The following CENPP variants were observed in gnomAD, a reference collection of about 807,000 sequenced individuals.
CENPP encodes centromere protein P.
Under a neutral mutation model 35.6 loss-of-function variants are expected in CENPP, and 24 were observed. The ratio of observed to expected loss-of-function variants is 0.67; its 90% CI spans 0.49 to 0.95. The LOEUF is 0.95. Among genes scored for constraint, CENPP ranks in the 40% least tolerant of loss-of-function variants. The probability of loss-of-function intolerance (pLI) is 0.00; values close to 1 mark genes in which losing one functional copy is unlikely to be tolerated. For synonymous variants in CENPP, 120 were observed against 125.5 expected (o/e 0.96, Z 0.29); for missense variants, 332 against 345.3 (o/e 0.96, Z 0.31).
chr9:92,522,587 T>G, intron 5 of CENPP: 1 of 1,612,154 alleles, frequency 6.2e-7, no homozygotes. Flanking sequence ...GGTAACACAT[T>G]ATAACTTGAT....
In CENPP at chr9:92,502,538, C is replaced by A. The variant is rs768096600; in HGVS notation, c.565-108776C>A. 3.1e-6 allele frequency: 5 copies of A among 1,612,668 alleles called. No individual in the cohort carries two copies. In the Admixed American group the frequency reaches 6.7e-5, roughly 22 times the overall value. On this transcript the variant is annotated intron_variant, in intron 5 of 7. Coordinates refer to ENST00000375587, the MANE Select transcript of CENPP (RefSeq NM_001012267.3). The stretch of plus-strand genomic sequence containing the variant: ...TCTTGATTTATCCAGGCTAAAGGAG[C>A]AATCCTATTTTCTTCAATTTTGTTA...
chr9:92,374,299 G>A (rs1249413972), intron 4 of CENPP, among the ~76,000 whole-genome samples: 2 of 144,988 alleles, frequency 1.4e-5, no homozygotes, highest in African/African-American at 5.0e-5. Flanking sequence ...ACCCCTCCTG[G>A]GTTCAAGTGA....
chr9:92,421,294 C>T (rs541165399), intron 5 of CENPP, among the ~76,000 whole-genome samples: 2 of 152,340 alleles, frequency 1.3e-5, no homozygotes, highest in South Asian at 4.1e-4. Flanking sequence ...CCCCCCTCAG[C>T]CTCCCAAAGT....
In CENPP at chr9:92,613,144, A is replaced by T. The variant is rs745636489; in HGVS notation, c.862A>T (p.Asn288Tyr). 3.1e-6 allele frequency: 5 copies of T among 1,614,208 alleles called. No homozygotes were observed. The highest frequency in any genetic ancestry group is 4.2e-6 in the Non-Finnish European group (5 of 1,180,030). Residue 288 changes from asparagine (N) to tyrosine (Y), a missense_variant, in exon 8 of 8, where the codon AAC becomes TAC. By Grantham distance (143) the Asn-to-Tyr change is moderately radical. Coordinates refer to ENST00000375587, the MANE Select transcript of CENPP (RefSeq NM_001012267.3). ...AAAATCGCTTTGTGCAGAGGAGAAC[A>T]ACTAGTTCCAAAACAGTGAACGTGG... ...LIKSLCAEEN[N>Y] is the part of the protein sequence containing the mutation.
intron 5 of CENPP, among the ~76,000 whole-genome samples, chr9:92,421,795 A>G (rs1261492688): frequency 6.6e-6 from 1 of 152,164 alleles, no homozygotes; most frequent in Non-Finnish European, 1.5e-5. Flanking sequence ...TTAGTGGAGG[A>G]GAGAGATACA....
chr9:92,331,283 C>A (rs757799025), intron 1 of CENPP, among the ~76,000 whole-genome samples: 8 of 152,162 alleles, frequency 5.3e-5, no homozygotes, highest in Non-Finnish European at 1.2e-4. Flanking sequence ...CAGGTTCACA[C>A]CATTCTCCTG....
chr9:92,345,171 T>A (rs1304697198), intron 3 of CENPP, among the ~76,000 whole-genome samples: 1 of 151,968 alleles, frequency 6.6e-6, no homozygotes, highest in East Asian at 1.9e-4. Flanking sequence ...GAGAATGGCG[T>A]GAACCCGGGA....
chr9:92,541,538 A>ATT (rs1471878862), intron 5 of CENPP, among the ~76,000 whole-genome samples: 1 of 148,470 alleles, frequency 6.7e-6, no homozygotes, highest in Non-Finnish European at 1.5e-5. Context: ...TTTGAGTTAG[A>ATT]TTTTTTTTTA....
intron 5 of CENPP, among the ~76,000 whole-genome samples, chr9:92,554,858 G>T (rs1437329423): frequency 6.6e-6 from 1 of 151,674 alleles, no homozygotes; most frequent in Non-Finnish European, 1.5e-5. Context: ...GGCTGGTCTC[G>T]AACTCCTGAC....
chr9:92,596,558 CTTGAGGAAGGCTGATGTGTTTTA>C (rs1188526166), intron 5 of CENPP, among the ~76,000 whole-genome samples: 2 of 151,410 alleles, frequency 1.3e-5, no homozygotes, highest in African/African-American at 4.9e-5. Context: ...GAGAGAAAGC[CTTGAGGAAGGCTGATGTGTTTTA>C]TAGAATTCCA....
intron 5 of CENPP, among the ~76,000 whole-genome samples, chr9:92,597,224 G>A (rs193129498): frequency 3.3e-5 from 5 of 152,132 alleles, no homozygotes; most frequent in South Asian, 2.1e-4. Flanking sequence ...GCAATATACC[G>A]CAGATTTCAT....
chr9:92,578,263 T>A (rs1434555059), intron 5 of CENPP, among the ~76,000 whole-genome samples: 3 of 152,102 alleles, frequency 2.0e-5, no homozygotes, highest in Non-Finnish European at 4.4e-5. Flanking sequence ...TAAACATACG[T>A]GTGCATGTGT....
At chr9:92,348,092 TTTTC>T (rs1205051247) in intron 4 of CENPP, among the ~76,000 whole-genome samples, 2 of 139,328 alleles carry the variant, frequency 1.4e-5, no homozygotes, top group Non-Finnish European at 3.0e-5. Flanking sequence ...GCCCAGCTAA[TTTTC>T]TTTCTTTCTT....
intron 5 of CENPP, among the ~76,000 whole-genome samples, chr9:92,457,646 A>G (rs1298718285): frequency 6.6e-6 from 1 of 152,172 alleles, no homozygotes; most frequent in Non-Finnish European, 1.5e-5. Flanking sequence ...ATGCATGTTA[A>G]ATACCTATTA....
At chr9:92,460,468 G>A (rs201046344) in intron 5 of CENPP, 19 of 1,566,820 alleles carry the variant, frequency 1.2e-5, no homozygotes, top group Non-Finnish European at 1.7e-5. Context: ...TTTTGGGAAC[G>A]TTTACCTTTG....
At chr9:92,407,177 G>A (rs1843329144) in intron 5 of CENPP, among the ~76,000 whole-genome samples, 1 of 152,120 alleles carries the variant, frequency 6.6e-6, no homozygotes, top group Non-Finnish European at 1.5e-5. Context: ...TCAGTGTTCA[G>A]AGTTTTTATT....
intron 5 of CENPP, among the ~76,000 whole-genome samples, chr9:92,390,898 T>C (rs1220931512): frequency 1.3e-5 from 2 of 152,198 alleles, no homozygotes; most frequent in Admixed American, 6.5e-5. Context: ...ATTTTCCCTG[T>C]AGGCATATCA....
chr9:92,482,345 C>G (rs1016178683), intron 5 of CENPP: 1 of 152,124 alleles, frequency 6.6e-6, no homozygotes, highest in Admixed American at 6.5e-5. Flanking sequence ...CCATGTACTA[C>G]TTATCTATAA....
At chr9:92,453,009 G>T (rs1182386088) in intron 5 of CENPP, among the ~76,000 whole-genome samples, 3 of 151,950 alleles carry the variant, frequency 2.0e-5, no homozygotes, top group Non-Finnish European at 2.9e-5. Flanking sequence ...TATTAGTCTT[G>T]CTAGGGGTCT....
Sources: allele counts gnomAD v4.1 joint callset (sites outside exome capture counted in the v4.1 genomes callset), GRCh38; gene constraint gnomAD v4.1.1; transcripts MANE v1.5; gene names NCBI Gene and HGNC (gene_info 2026-07-23, HGNC 2026-07-21).